LRRC28: variants seen among roughly 807,000 people sequenced by gnomAD.
LRRC28 encodes leucine rich repeat containing 28.
A neutral mutation model predicts 45.7 loss-of-function variants in LRRC28; 39 were observed. The ratio of observed to expected loss-of-function variants is 0.85; its 90% CI spans 0.66 to 1.12. The LOEUF is 1.12. LRRC28 is among the 50% of genes most tolerant of loss of function. The pLI is 0.00. For synonymous variants in LRRC28, 206 were observed against 178.8 expected (o/e 1.15, Z -1.22); for missense variants, 435 against 438.5 (o/e 0.99, Z 0.07).
At chr15:99,286,069 T>C (rs2081950170) in intron 3 of LRRC28, among the ~76,000 whole-genome samples, 1 of 152,254 alleles carries the variant, frequency 6.6e-6, no homozygotes, top group African/African-American at 2.4e-5. Flanking sequence ...TATTAGACTT[T>C]AAGAATGCAG....
At chr15:99,357,988 T>G (rs1021630786) in intron 7 of LRRC28, among the ~76,000 whole-genome samples, 14 of 152,172 alleles carry the variant, frequency 9.2e-5, no homozygotes, top group African/African-American at 3.4e-4. Flanking sequence ...AAATAGACAT[T>G]ATAAATACTG....
chr15:99,327,125 A>T (rs538871735), intron 5 of LRRC28, among the ~76,000 whole-genome samples: 3 of 152,042 alleles, frequency 2.0e-5, no homozygotes, highest in Non-Finnish European at 4.4e-5. Context: ...CCTAGGCTGG[A>T]GTGCAGTGGC....
At chr15:99,334,379 T>A (rs974868294) in intron 6 of LRRC28, among the ~76,000 whole-genome samples, 11 of 150,994 alleles carry the variant, frequency 7.3e-5, no homozygotes, top group Admixed American at 2.0e-4. Flanking sequence ...ATGAGATGAT[T>A]TCCTCAGAGA....
rs1273574087 is a variant in LRRC28 at position 99,387,582 on chromosome 15, G to A, written c.*1480G>A. On this transcript the variant is annotated 3_prime_UTR_variant, in exon 10 of 10. Coordinates refer to ENST00000301981, the MANE Select transcript of LRRC28 (RefSeq NM_144598.5). ...CTGTGAGCCTCCACCCTGCCAGAAA[G>A]AACTCTTCATGAAGAAGTCACGTAT... The A allele has an allele frequency of 6.6e-6, 1 of 152,224 alleles. No homozygotes were observed. The highest frequency in any genetic ancestry group is 1.5e-5 in the Non-Finnish European group (1 of 68,044). The allele number at this position is 152,224 out of a possible 1,614,324, so 9.4% of individuals were successfully genotyped here. A position where few individuals can be genotyped will look rare whatever the true frequency, so the allele number is the denominator to read the frequency against.
chr15:99,268,509 T>G (rs1172398468), intron 2 of LRRC28, among the ~76,000 whole-genome samples: 1 of 152,174 alleles, frequency 6.6e-6, no homozygotes, highest in Non-Finnish European at 1.5e-5. Flanking sequence ...TCCACAAGTT[T>G]AAATTCATTT....
At chr15:99,373,269 C>A (rs903650731) in intron 9 of LRRC28, among the ~76,000 whole-genome samples, 6 of 152,122 alleles carry the variant, frequency 3.9e-5, no homozygotes, top group Non-Finnish European at 8.8e-5. Flanking sequence ...CTTTTTATGT[C>A]TGTGGTTCTT....
intron 2 of LRRC28, among the ~76,000 whole-genome samples, chr15:99,273,355 G>C (rs1425438298): frequency 2.0e-5 from 3 of 152,014 alleles, no homozygotes; most frequent in Admixed American, 2.0e-4. Context: ...TCCTGCCTCA[G>C]CCTCCTGAGT....
chr15:99,342,409 G>C (rs968904716), intron 6 of LRRC28, among the ~76,000 whole-genome samples: 5 of 152,154 alleles, frequency 3.3e-5, no homozygotes. Flanking sequence ...TTCAATCCCA[G>C]CTCTACCACT....
At chr15:99,364,531 A>G (rs954460503) in intron 9 of LRRC28, among the ~76,000 whole-genome samples, 25 of 152,202 alleles carry the variant, frequency 1.6e-4, no homozygotes, top group African/African-American at 5.5e-4. Context: ...TTGCATTTAA[A>G]TTAGAATAAA....
intron 2 of LRRC28, among the ~76,000 whole-genome samples, chr15:99,256,773 A>G (rs1003995710): frequency 1.3e-5 from 2 of 152,344 alleles, no homozygotes; most frequent in Non-Finnish European, 2.9e-5. Context: ...TCTGAATTGT[A>G]TTACATATAA....
chr15:99,278,713 A>G (rs941568910), intron 3 of LRRC28, among the ~76,000 whole-genome samples: 1 of 152,268 alleles, frequency 6.6e-6, no homozygotes, highest in Non-Finnish European at 1.5e-5. Flanking sequence ...GTGATTTAAA[A>G]GAATAAACAT....
At position 99,254,924 on chromosome 15, in the gene LRRC28, G is replaced by T. The variant is rs528080183; in HGVS notation, c.-60-974G>T. 7.2e-5 allele frequency among the ~76,000 whole-genome samples: 11 copies of T among 152,284 alleles called. No individual in the cohort carries two copies. In the South Asian group the frequency reaches 2.3e-3, roughly 32 times the overall value. ...TGCATATTAGGCAACTGGAGACCCA[G>T]AGACATTGTAATATTATAGAATAAT... On this transcript the variant is annotated intron_variant, in intron 1 of 9. Coordinates refer to ENST00000301981, the MANE Select transcript of LRRC28 (RefSeq NM_144598.5).
chr15:99,262,359 A>T (rs1016467469), intron 2 of LRRC28, among the ~76,000 whole-genome samples: 3 of 152,158 alleles, frequency 2.0e-5, no homozygotes, highest in Non-Finnish European at 4.4e-5. Flanking sequence ...AGGTGGGCAG[A>T]TCACTTGAAG....
At position 99,334,116 on chromosome 15, in the gene LRRC28, A is replaced by G. The variant is rs745526315; in HGVS notation, c.579A>G (p.Ala193=). 6.2e-7 allele frequency: 1 copy of G among 1,614,028 alleles called. No homozygotes were observed. Among genetic ancestry groups the G allele is most frequent in the Non-Finnish European group, 8.5e-7 (1 of 1,179,946 alleles). ...NELSMAGNRL[A]FLPLDLGRSR... is the part of the protein sequence containing the mutation. ...TCTCCATGGCTGGAAACCGTCTTGCATTTTTGCCACTTGGTAAGTGATTGT... is the reference window on the plus strand; with the variant it reads ...TCTCCATGGCTGGAAACCGTCTTGCGTTTTTGCCACTTGGTAAGTGATTGT... The change falls in exon 6 of 10, where the codon GCA becomes GCG. Residue 193 remains alanine (A), a synonymous_variant. Coordinates refer to ENST00000301981, the MANE Select transcript of LRRC28 (RefSeq NM_144598.5).
chr15:99,369,726 C>T (rs543038078), intron 9 of LRRC28, among the ~76,000 whole-genome samples: 1 of 152,276 alleles, frequency 6.6e-6, no homozygotes, highest in South Asian at 2.1e-4. Flanking sequence ...TTTGACCAAA[C>T]AAATGGGCTC....
chr15:99,258,018 C>T, intron 2 of LRRC28: 1 of 1,030,828 alleles, frequency 9.7e-7, no homozygotes, highest in East Asian at 2.4e-5. Context: ...GAGGAACTAA[C>T]AGTCAAAATT....
intron 2 of LRRC28, among the ~76,000 whole-genome samples, chr15:99,273,956 A>G (rs754343016): frequency 6.6e-6 from 1 of 152,222 alleles, no homozygotes; most frequent in African/African-American, 2.4e-5. Context: ...GATGCTTTGT[A>G]TGTATGCCCA....
At chr15:99,304,884 T>G (rs1186191610) in intron 5 of LRRC28, among the ~76,000 whole-genome samples, 2 of 152,240 alleles carry the variant, frequency 1.3e-5, no homozygotes, top group Non-Finnish European at 2.9e-5. Flanking sequence ...ATTTCTTGCT[T>G]TTATTTTTAT....
At chr15:99,292,794 G>T (rs758106543) in intron 5 of LRRC28, among the ~76,000 whole-genome samples, 1 of 152,190 alleles carries the variant, frequency 6.6e-6, no homozygotes, top group Non-Finnish European at 1.5e-5. Flanking sequence ...CTCTATTTCA[G>T]TCAGGGATGA....
Sources: allele counts gnomAD v4.1 joint callset (sites outside exome capture counted in the v4.1 genomes callset), GRCh38; gene constraint gnomAD v4.1.1; transcripts MANE v1.5; gene names NCBI Gene and HGNC (gene_info 2026-07-23, HGNC 2026-07-21).